CELF4: variants seen among roughly 807,000 people sequenced by gnomAD.
The protein encoded by CELF4 is CUGBP Elav-like family member 4.
In CELF4, 18 loss-of-function variants were observed where a neutral mutation model predicts 59.9. The observed-to-expected ratio is 0.30, with a 90% CI of 0.21 to 0.45. The LOEUF is 0.45. Ranked by LOEUF, CELF4 falls within the 20% of genes least tolerant of loss-of-function variation. CELF4 has a pLI of 1.00. For missense variants in CELF4, 456 were observed against 689.0 expected, an observed-to-expected ratio of 0.66 and a Z score of 3.79; for synonymous variants, 261 against 267.1, an observed-to-expected ratio of 0.98 and a Z score of 0.22.
intron 1 of CELF4, among the ~76,000 whole-genome samples, chr18:37,512,359 T>C (rs966506596): frequency 1.6e-4 from 25 of 152,226 alleles, no homozygotes; most frequent in African/African-American, 6.0e-4. Context: ...CCAGGCACCA[T>C]TTAAGGCATT....
intron 1 of CELF4, among the ~76,000 whole-genome samples, chr18:37,558,741 C>T (rs2099985664): frequency 6.6e-6 from 1 of 151,800 alleles, no homozygotes; most frequent in African/African-American, 2.4e-5. Flanking sequence ...CTGCCACGCC[C>T]TGCTTGGATT....
At chr18:37,408,503 G>GGA (rs2099407712) in intron 2 of CELF4, among the ~76,000 whole-genome samples, 1 of 30,878 alleles carries the variant, frequency 3.2e-5, no homozygotes, top group Non-Finnish European at 9.7e-5. Context: ...GGGGGGGGGC[G>GGA]CGGTGCAGGA....
At chr18:37,442,661 C>T (rs925374548) in intron 2 of CELF4, among the ~76,000 whole-genome samples, 1 of 152,196 alleles carries the variant, frequency 6.6e-6, no homozygotes, top group African/African-American at 2.4e-5. Context: ...ATTTCCAATA[C>T]AAGGAAACAG....
At position 37,253,161 on chromosome 18, in the gene CELF4, A is replaced by G. The variant is rs2154274838; in HGVS notation, c.*44+606T>C. ...TCATCATGACCCGTGTGGGGCAGGC[A>G]GGGCCCGGGATCTCAGTGCTGTACC... On this transcript the variant is annotated intron_variant, in intron 12 of 12. Coordinates refer to ENST00000420428, the MANE Select transcript of CELF4 (RefSeq NM_020180.4). The surrounding 1 kb of genome is among the most constrained non-coding windows in gnomAD (Gnocchi z 4.5). Among the ~76,000 whole-genome samples, 1 of 152,284 alleles carries G rather than the reference A, an allele frequency of 6.6e-6. No homozygotes were observed. Among genetic ancestry groups the G allele is most frequent in the Non-Finnish European group, 1.5e-5 (1 of 68,018 alleles).
chr18:37,328,700 G>A (rs1427033264), intron 2 of CELF4, among the ~76,000 whole-genome samples: 1 of 152,086 alleles, frequency 6.6e-6, no homozygotes, highest in Non-Finnish European at 1.5e-5. Flanking sequence ...CATCTATCCT[G>A]GTGCTTTAGG....
chr18:37,502,874 T>C (rs928106896), intron 1 of CELF4, among the ~76,000 whole-genome samples: 1 of 152,198 alleles, frequency 6.6e-6, no homozygotes, highest in African/African-American at 2.4e-5. Context: ...TTCTCAACTC[T>C]AGAGGCCTGT....
chr18:37,545,299 C>A (rs2099980687), intron 1 of CELF4, among the ~76,000 whole-genome samples: 1 of 152,170 alleles, frequency 6.6e-6, no homozygotes, highest in South Asian at 2.1e-4. Context: ...TCCCAGGACT[C>A]CTGGGCAGGT....
intron 6 of CELF4, chr18:37,273,370 TA>T (rs2092227275): frequency 7.4e-7 from 1 of 1,347,086 alleles, no homozygotes; most frequent in East Asian, 2.8e-5. Flanking sequence ...TGACTGTATT[TA>T]AAAGTAATGC....
At chr18:37,269,918 C>T (rs2090301013) in intron 8 of CELF4, among the ~76,000 whole-genome samples, 1 of 152,196 alleles carries the variant, frequency 6.6e-6, no homozygotes, top group Non-Finnish European at 1.5e-5. Context: ...ACAGCACAAA[C>T]TGAGTACTTA....
At chr18:37,508,376 C>T (rs938048089) in intron 1 of CELF4, among the ~76,000 whole-genome samples, 1 of 152,224 alleles carries the variant, frequency 6.6e-6, no homozygotes, top group African/African-American at 2.4e-5. Context: ...AGGCAGGCCC[C>T]TCTGGGCCCA....
chr18:37,311,911 A>G (rs2096669027), intron 3 of CELF4, among the ~76,000 whole-genome samples: 1 of 151,750 alleles, frequency 6.6e-6, no homozygotes, highest in South Asian at 2.1e-4. Context: ...GGAGATCGAG[A>G]CCATCCTGGC....
At chr18:37,279,481 C>A (rs1180722149) in intron 3 of CELF4, among the ~76,000 whole-genome samples, 2 of 152,174 alleles carry the variant, frequency 1.3e-5, no homozygotes, top group Non-Finnish European at 1.5e-5. Flanking sequence ...GGGACTGAGG[C>A]CTCACGGGTT....
chr18:37,560,113 C>T (rs1473105255), intron 1 of CELF4, among the ~76,000 whole-genome samples: 1 of 152,158 alleles, frequency 6.6e-6, no homozygotes, highest in East Asian at 1.9e-4. Context: ...CTAGAATTCC[C>T]ATTAAAACTG....
intron 2 of CELF4, chr18:37,473,927 G>C (rs1410272085): frequency 2.0e-5 from 3 of 152,228 alleles, no homozygotes; most frequent in Non-Finnish European, 4.4e-5. Flanking sequence ...CTGTGACATA[G>C]CTCTGGCCAA....
At position 37,254,079 on chromosome 18, in the gene CELF4, G is replaced by A. The variant is rs1201314005; in HGVS notation, c.1334-141C>T. 1 of 515,246 alleles carries A rather than the reference G, an allele frequency of 1.9e-6. No homozygotes were observed. The highest frequency in any genetic ancestry group is 2.8e-6 in the Non-Finnish European group (1 of 359,496). 31.9% of individuals were successfully genotyped at this position (515,246 alleles called of 1,614,324 possible). A position where few individuals can be genotyped will look rare whatever the true frequency, so the allele number is the denominator to read the frequency against. The stretch of plus-strand genomic sequence containing the variant: ...GCCCCGCCCCCGGCCCCGCCCCGGT[G>A]CCCGCCCCTCTCCAGCCCGCGCGCG... On this transcript the variant is annotated intron_variant, in intron 11 of 12. Transcript: ENST00000420428. The surrounding 1 kb of genome is among the most constrained non-coding windows in gnomAD (Gnocchi z 5.1).
chr18:37,446,726 C>G (rs1256220168), intron 2 of CELF4, among the ~76,000 whole-genome samples: 1 of 152,120 alleles, frequency 6.6e-6, no homozygotes, highest in Admixed American at 6.5e-5. Context: ...CTCCTGAGCT[C>G]CCTCTCTCCT....
chr18:37,442,645 G>A (rs1351212335), intron 2 of CELF4, among the ~76,000 whole-genome samples: 4 of 152,116 alleles, frequency 2.6e-5, no homozygotes, highest in African/African-American at 4.8e-5. Flanking sequence ...TCAGTCCACC[G>A]GGCACATTTC....
intron 10 of CELF4, among the ~76,000 whole-genome samples, chr18:37,261,975 C>G (rs931041730): frequency 1.3e-5 from 2 of 152,188 alleles, no homozygotes; most frequent in East Asian, 1.9e-4. Flanking sequence ...GTTCATGACT[C>G]GGACAACTCT....
At chr18:37,515,663 G>T (rs1240219822) in intron 1 of CELF4, among the ~76,000 whole-genome samples, 1 of 152,152 alleles carries the variant, frequency 6.6e-6, no homozygotes, top group Non-Finnish European at 1.5e-5. Flanking sequence ...CAAGGGTGGC[G>T]GTGGATCCAG....
Sources: gnomAD v4.1 joint callset for allele counts (sites outside exome capture counted in the v4.1 genomes callset) on GRCh38, gnomAD v4.1.1 for gene constraint, Gnocchi (gnomAD v3.1) non-coding constraint, MANE v1.5 for transcripts, NCBI Gene and HGNC (gene_info 2026-07-23, HGNC 2026-07-21) for gene names.